EPB41L5: variants seen among roughly 807,000 people sequenced by gnomAD.
EPB41L5 encodes band 4.1-like protein 5.
A neutral mutation model predicts 106.6 loss-of-function variants in EPB41L5; 55 were observed. The ratio of observed to expected loss-of-function variants is 0.52; its 90% CI spans 0.42 to 0.65. The LOEUF (loss-of-function observed/expected upper bound fraction) is 0.65, where lower values mean the gene tolerates loss of function less well. Ranked by LOEUF, EPB41L5 falls within the 30% of genes least tolerant of loss-of-function variation. The pLI is 0.00. For missense variants in EPB41L5, 871 were observed against 882.1 expected (o/e 0.99, Z 0.16); for synonymous variants, 297 against 306.7 (o/e 0.97, Z 0.33).
intron 16 of EPB41L5, among the ~76,000 whole-genome samples, chr2:120,126,110 C>G (rs1189182675): frequency 6.6e-6 from 1 of 152,088 alleles, no homozygotes; most frequent in African/African-American, 2.4e-5. Context: ...ATCACCTCAT[C>G]CTAACTTAAC....
Position 120,100,687 on chromosome 2 carries a change from T to A in EPB41L5, c.1222-12T>A. ...AGGCAAAATAGATAATTTTTATAAT[T>A]TTTGTCCAAAGGCTTGGGGGATGAG... On this transcript the variant is annotated splice_polypyrimidine_tract_variant and intron_variant, in intron 15 of 24. Transcript: ENST00000263713. 1 of 1,603,260 alleles carries A rather than the reference T, an allele frequency of 6.2e-7. No individual in the cohort carries two copies. Among genetic ancestry groups the A allele is most frequent in the South Asian group, 1.1e-5 (1 of 90,628 alleles).
chr2:120,143,891 TG>T (rs1686287261), intron 19 of EPB41L5, among the ~76,000 whole-genome samples: 2 of 152,196 alleles, frequency 1.3e-5, no homozygotes, highest in Admixed American at 1.3e-4. Flanking sequence ...CTACTAGCTT[TG>T]TGACTTGGGC....
At chr2:120,015,907 T>TAAAA (rs35254844) in intron 1 of EPB41L5, among the ~76,000 whole-genome samples, 1 of 120,728 alleles carries the variant, frequency 8.3e-6, no homozygotes. Context: ...AGACTGTCTC[T>TAAAA]AAAAAAAAAA....
Position 120,019,171 on chromosome 2 carries a change from C to T in EPB41L5, c.87C>T (p.Ala29=), listed in dbSNP as rs755841134. The stretch of plus-strand genomic sequence containing the variant: ...AACGACTCCGAGAAGCACAACGCGC[C>T]GCCACACATATTCCTGCAGCTGGAG... The part of the protein sequence containing the change: ...EKERLREAQR[A]ATHIPAAGDS... Residue 29 remains alanine (A), a synonymous_variant, in exon 2 of 25, where the codon GCC becomes GCT. Coordinates refer to ENST00000263713, the MANE Select transcript of EPB41L5 (RefSeq NM_020909.4). 17 of 1,613,870 alleles carry T rather than the reference C, an allele frequency of 1.1e-5. No individual in the cohort carries two copies. The highest frequency in any genetic ancestry group is 8.9e-5 in the East Asian group (4 of 44,888).
At position 120,075,558 on chromosome 2, in the gene EPB41L5, G is replaced by A. The variant is rs368729648; in HGVS notation, c.452+38G>A. The stretch of plus-strand genomic sequence containing the variant: ...TATTTAAGGATAAATGCACATTTTC[G>A]TGAGTGGTTGAAAAATTATTTTGAA... On this transcript the variant is annotated intron_variant, in intron 6 of 24. Coordinates refer to ENST00000263713, the MANE Select transcript of EPB41L5 (RefSeq NM_020909.4). 16 of 1,474,166 alleles carry A rather than the reference G, an allele frequency of 1.1e-5. No individual in the cohort carries two copies. In the Middle Eastern group the frequency reaches 5.2e-4, roughly 48 times the overall value. The allele number at this position is 1,474,166 out of a possible 1,614,324, so 91.3% of individuals were successfully genotyped here. A position where few individuals can be genotyped will look rare whatever the true frequency, so the allele number is the denominator to read the frequency against.
At chr2:120,068,614 A>G (rs1327344006) in intron 3 of EPB41L5, among the ~76,000 whole-genome samples, 5 of 152,228 alleles carry the variant, frequency 3.3e-5, no homozygotes, top group Non-Finnish European at 7.3e-5. Context: ...GGCAGAGCCC[A>G]TGTCATAATG....
rs143867432 is a variant in EPB41L5, at chr2:120,169,999, A to G, written c.2135+1992A>G. The stretch of plus-strand genomic sequence containing the variant: ...TTGGCAACATCTACTAAAGCTGAAC[A>G]TATTCAGTGATTCTATTTTTATATA... On this transcript the variant is annotated intron_variant, in intron 24 of 24. Coordinates refer to ENST00000263713, the MANE Select transcript of EPB41L5 (RefSeq NM_020909.4). Among the ~76,000 whole-genome samples, 51 of 152,336 alleles carry G rather than the reference A, an allele frequency of 3.3e-4. 1 individual carries two copies. The East Asian group carries it at 9.8e-3, about 29-fold the overall frequency.
chr2:120,100,929 T>A, intron 16 of EPB41L5, 115 bp downstream of exon 16: 2 of 690,842 alleles, frequency 2.9e-6, no homozygotes, highest in Non-Finnish European at 4.8e-6. Context: ...TTCATATTTG[T>A]GAGCTGGAAA....
At chr2:120,125,538 A>AT (rs1685420858) in intron 16 of EPB41L5, among the ~76,000 whole-genome samples, 1 of 152,270 alleles carries the variant, frequency 6.6e-6, no homozygotes, top group East Asian at 1.9e-4. Context: ...TGGCTCAGTA[A>AT]TCCCCCACCA....
At position 120,122,294 on chromosome 2, in the gene EPB41L5, T is replaced by C. The variant is rs937703813; in HGVS notation, c.1338-5394T>C. 2.6e-5 allele frequency among the ~76,000 whole-genome samples: 4 copies of C among 152,238 alleles called. No homozygotes were observed. In the East Asian group the frequency reaches 7.7e-4, roughly 29 times the overall value. Reference sequence around the variant, plus strand: ...GTATTGCCTAGGTTTTCTTCTATGGTTTTTATGGTTTTAGGTCTAACGTTT... The same window carrying C: ...GTATTGCCTAGGTTTTCTTCTATGGCTTTTATGGTTTTAGGTCTAACGTTT... On this transcript the variant is annotated intron_variant, in intron 16 of 24. Coordinates refer to ENST00000263713, the MANE Select transcript of EPB41L5 (RefSeq NM_020909.4).
chr2:120,093,372 A>G (rs1683541956), intron 14 of EPB41L5, 96 bp downstream of exon 14: 13 of 1,004,480 alleles, frequency 1.3e-5, no homozygotes, highest in African/African-American at 4.8e-5. Flanking sequence ...CAAAATGTCA[A>G]GTTGTCCGTA....
intron 16 of EPB41L5, among the ~76,000 whole-genome samples, chr2:120,126,412 T>C (rs907709465): frequency 6.6e-6 from 1 of 152,202 alleles, no homozygotes. Flanking sequence ...CTATATTTGT[T>C]CTAAAGTTTT....
intron 2 of EPB41L5, among the ~76,000 whole-genome samples, chr2:120,019,756 T>C (rs916412752): frequency 2.0e-5 from 3 of 152,224 alleles, no homozygotes; most frequent in African/African-American, 7.2e-5. Flanking sequence ...TTGCAGACAT[T>C]AATGAGGTGA....
chr2:120,038,127 T>C (rs796205592), intron 2 of EPB41L5, among the ~76,000 whole-genome samples: 3 of 152,190 alleles, frequency 2.0e-5, no homozygotes, highest in Admixed American at 6.5e-5. Context: ...GAACCAGATA[T>C]ATGATAAGAG....
intron 3 of EPB41L5, among the ~76,000 whole-genome samples, chr2:120,052,328 G>A (rs1397239665): frequency 1.6e-4 from 25 of 152,110 alleles, no homozygotes; most frequent in Non-Finnish European, 2.4e-4. Flanking sequence ...AAAAATAACC[G>A]AAGTGATTCT....
At chr2:120,154,923 A>G (rs1686837300) in intron 20 of EPB41L5, among the ~76,000 whole-genome samples, 1 of 152,076 alleles carries the variant, frequency 6.6e-6, no homozygotes, top group Non-Finnish European at 1.5e-5. Flanking sequence ...AAGACTCCAT[A>G]TCAAAACAAA....
rs1228811540 is a variant in EPB41L5 at position 120,177,655 on chromosome 2, C to T, written c.*2748C>T. 6.6e-6 allele frequency: 1 copy of T among 152,244 alleles called. No individual in the cohort carries two copies. 9.4% of individuals were successfully genotyped at this position (152,244 alleles called of 1,614,324 possible). A position where few individuals can be genotyped will look rare whatever the true frequency, so the allele number is the denominator to read the frequency against. The stretch of plus-strand genomic sequence containing the variant: ...AGGTCATGGTCATTTCATTCCTACT[C>T]TTCAGGAGACACTGCTGAACAGAGG... On this transcript the variant is annotated 3_prime_UTR_variant, in exon 25 of 25. Coordinates refer to ENST00000263713, the MANE Select transcript of EPB41L5 (RefSeq NM_020909.4).
intron 2 of EPB41L5, among the ~76,000 whole-genome samples, chr2:120,031,798 A>G (rs1678726984): frequency 1.3e-5 from 2 of 152,080 alleles, no homozygotes; most frequent in African/African-American, 4.8e-5. Context: ...GGATTATTGG[A>G]AGGCAACACT....
At chr2:120,035,716 G>T (rs1048472456) in intron 2 of EPB41L5, among the ~76,000 whole-genome samples, 2 of 152,140 alleles carry the variant, frequency 1.3e-5, no homozygotes, top group African/African-American at 4.8e-5. Context: ...ATTAGGAATA[G>T]TATTTGAAAC....
Sources: allele counts gnomAD v4.1 joint callset (sites outside exome capture counted in the v4.1 genomes callset), GRCh38; gene constraint gnomAD v4.1.1; transcripts MANE v1.5; gene names NCBI Gene and HGNC (gene_info 2026-07-23, HGNC 2026-07-21).